SORCS2: variants seen among roughly 807,000 people sequenced by gnomAD.
SORCS2 encodes sortilin related VPS10 domain containing receptor 2.
In SORCS2, 100 loss-of-function variants were observed where a neutral mutation model predicts 141.6. The ratio of observed to expected loss-of-function variants is 0.71; its 90% CI spans 0.60 to 0.83. The LOEUF (loss-of-function observed/expected upper bound fraction) is 0.83. Ranked by LOEUF, SORCS2 falls within the 40% of genes least tolerant of loss-of-function variation. SORCS2 has a pLI of 0.00. For synonymous variants in SORCS2, 789 were observed against 676.9 expected, an observed-to-expected ratio of 1.17 and a Z score of -2.57; for missense variants, 1,646 against 1,560.2, an observed-to-expected ratio of 1.05 and a Z score of -0.93.
At chr4:7,283,525 C>G (rs1185495694) in intron 1 of SORCS2, among the ~76,000 whole-genome samples, 2 of 152,164 alleles carry the variant, frequency 1.3e-5, no homozygotes, top group Admixed American at 1.3e-4. Context: ...CTCCTGGATT[C>G]AGAGTCTCAG....
At chr4:7,508,232 G>A (rs534663112) in intron 2 of SORCS2, among the ~76,000 whole-genome samples, 16 of 148,656 alleles carry the variant, frequency 1.1e-4, no homozygotes, top group Non-Finnish European at 1.9e-4. Flanking sequence ...GGGTGAGGAG[G>A]GATGAAGGTC....
chr4:7,469,049 A>G (rs988390436), intron 2 of SORCS2, among the ~76,000 whole-genome samples: 1 of 152,180 alleles, frequency 6.6e-6, no homozygotes, highest in Non-Finnish European at 1.5e-5. Context: ...TGCTTCACAC[A>G]GAGCCTGACA....
chr4:7,588,726 T>C (rs1489743004), intron 3 of SORCS2, among the ~76,000 whole-genome samples: 1 of 152,192 alleles, frequency 6.6e-6, no homozygotes, highest in Admixed American at 6.5e-5. Flanking sequence ...CTTCCTGTCC[T>C]GGAAGAGGAA....
At chr4:7,403,995 ATATTTTT>A (rs1298811815) in intron 2 of SORCS2, among the ~76,000 whole-genome samples, 7 of 9,558 alleles carry the variant, frequency 7.3e-4, no homozygotes, top group Admixed American at 1.3e-3. Flanking sequence ...ATATATATAT[ATATTTTT>A]TTTTTTTTTT....
At chr4:7,375,025 C>T (rs543371442) in intron 1 of SORCS2, among the ~76,000 whole-genome samples, 5 of 152,180 alleles carry the variant, frequency 3.3e-5, no homozygotes, top group Non-Finnish European at 7.3e-5. Flanking sequence ...CCACTGATCA[C>T]TGGGGTCCCT....
intron 9 of SORCS2, among the ~76,000 whole-genome samples, chr4:7,681,746 A>C (rs1723539691): frequency 6.6e-6 from 1 of 152,188 alleles, no homozygotes; most frequent in Non-Finnish European, 1.5e-5. Flanking sequence ...CAGTGAGAGG[A>C]CACATTTTAA....
chr4:7,503,178 C>G (rs1472026820), intron 2 of SORCS2, among the ~76,000 whole-genome samples: 1 of 152,136 alleles, frequency 6.6e-6, no homozygotes, highest in Non-Finnish European at 1.5e-5. Context: ...AAGCCCCAAA[C>G]ATGGAAAATT....
At chr4:7,276,392 C>G (rs893191009) in intron 1 of SORCS2, among the ~76,000 whole-genome samples, 2 of 152,136 alleles carry the variant, frequency 1.3e-5, no homozygotes, top group African/African-American at 4.8e-5. Flanking sequence ...GTCCCCAGCT[C>G]CACCTTGGGG....
intron 1 of SORCS2, among the ~76,000 whole-genome samples, chr4:7,360,682 G>A (rs1022419889): frequency 7.1e-6 from 1 of 141,682 alleles, no homozygotes; most frequent in African/African-American, 2.6e-5. Context: ...AGGCTCAAGC[G>A]ATCGATCCTT....
intron 3 of SORCS2, among the ~76,000 whole-genome samples, chr4:7,541,826 A>T (rs1054502173): frequency 1.3e-5 from 2 of 152,214 alleles, no homozygotes; most frequent in Non-Finnish European, 2.9e-5. Context: ...GTGCAGCTAC[A>T]CCAAAGAAAA....
chr4:7,371,975 T>G (rs1439808579), intron 1 of SORCS2, among the ~76,000 whole-genome samples: 2 of 152,132 alleles, frequency 1.3e-5, no homozygotes, highest in African/African-American at 2.4e-5. Context: ...TGAGGGAAGA[T>G]GCCTATCCTG....
chr4:7,211,220 CGGGA>C (rs5855950), intron 1 of SORCS2, among the ~76,000 whole-genome samples: 126,354 of 137,128 alleles, frequency 0.92, 58,023 homozygotes, highest in East Asian at 1. Flanking sequence ...AGCAGGAGAG[CGGGA>C]GGGAGGGAGG....
At chr4:7,289,237 G>C (rs918913963) in intron 1 of SORCS2, among the ~76,000 whole-genome samples, 1 of 152,010 alleles carries the variant, frequency 6.6e-6, no homozygotes, top group Non-Finnish European at 1.5e-5. Flanking sequence ...GCAGATGGAG[G>C]TCTCTCTACC....
intron 1 of SORCS2, among the ~76,000 whole-genome samples, chr4:7,307,785 G>T (rs992129614): frequency 6.6e-6 from 1 of 151,946 alleles, no homozygotes; most frequent in Non-Finnish European, 1.5e-5. Flanking sequence ...TTGTGCATGA[G>T]TGTGTGTGTG....
At position 7,444,579 on chromosome 4, in the gene SORCS2, C is replaced by T. The variant is rs116418735; in HGVS notation, c.548+48224C>T. Among the ~76,000 whole-genome samples, 840 of 152,294 alleles carry T rather than the reference C, an allele frequency of 5.5e-3. 10 individuals are homozygous for T. Among genetic ancestry groups the T allele is most frequent in the African/African-American group, 0.02 (812 of 41,554 alleles). On this transcript the variant is annotated intron_variant, in intron 2 of 26. Coordinates refer to ENST00000507866, the MANE Select transcript of SORCS2 (RefSeq NM_020777.3). ...GTGATGGGGGCAGGAGCAGAAGGCG[C>T]CACGGTCAGAGGGATCATGTAGGTG...
intron 3 of SORCS2, among the ~76,000 whole-genome samples, chr4:7,630,156 T>A (rs1252772831): frequency 1.3e-5 from 2 of 152,030 alleles, no homozygotes; most frequent in African/African-American, 4.8e-5. Context: ...ACGCAGACTG[T>A]GAGGGTGTGG....
chr4:7,724,758 T>TG (rs1429348452), intron 19 of SORCS2, among the ~76,000 whole-genome samples: 11 of 131,210 alleles, frequency 8.4e-5, no homozygotes, highest in African/African-American at 2.9e-4. Context: ...ATGGTGGTGG[T>TG]GTTGGTGATG....
At chr4:7,688,245 C>A (rs1030993464) in intron 10 of SORCS2, among the ~76,000 whole-genome samples, 6 of 152,148 alleles carry the variant, frequency 3.9e-5, no homozygotes, top group Non-Finnish European at 8.8e-5. Context: ...TCTGGAATGA[C>A]CCCTGCAGAG....
chr4:7,434,392 G>A lies in SORCS2; in HGVS notation c.548+38037G>A, dbSNP rs200554609. ...AAGGGGCCCATTGGCCATGAACGGA[G>A]CCACAGCCTCAAAGGTGTCCTCTTT... On this transcript the variant is annotated intron_variant, in intron 2 of 26. Transcript: ENST00000507866. 35 of 1,607,458 alleles carry A rather than the reference G, an allele frequency of 2.2e-5. No homozygotes were observed. In the Admixed American group the frequency reaches 5.6e-4, roughly 26 times the overall value.
Sources: gnomAD v4.1 joint callset for allele counts (sites outside exome capture counted in the v4.1 genomes callset) on GRCh38, gnomAD v4.1.1 for gene constraint, MANE v1.5 for transcripts, NCBI Gene and HGNC (gene_info 2026-07-23, HGNC 2026-07-21) for gene names.